Variants in CCDC86 observed in about 807,000 individuals in gnomAD.
CCDC86 encodes coiled-coil domain-containing protein 86.
A neutral mutation model predicts 36.7 loss-of-function variants in CCDC86; 28 were observed. The observed-to-expected ratio is 0.76, with a 90% CI of 0.57 to 1.05. The LOEUF (loss-of-function observed/expected upper bound fraction) is 1.05. CCDC86 is among the 50% of genes least tolerant of loss of function. The probability of loss-of-function intolerance (pLI) is 0.00; values close to 1 mark genes in which losing one functional copy is unlikely to be tolerated. For synonymous variants in CCDC86, 199 were observed against 203.4 expected, an observed-to-expected ratio of 0.98 and a Z score of 0.18; for missense variants, 453 against 470.2, an observed-to-expected ratio of 0.96 and a Z score of 0.34.
chr11:60,846,844 G>A (rs1219660646), intron 1 of CCDC86, among the ~76,000 whole-genome samples: 1 of 151,940 alleles, frequency 6.6e-6, no homozygotes, highest in Non-Finnish European at 1.5e-5. Flanking sequence ...AAAGTGCTGG[G>A]ATTACAGGCG....
chr11:60,843,835 C>T (rs527941568), intron 1 of CCDC86, among the ~76,000 whole-genome samples: 2 of 152,178 alleles, frequency 1.3e-5, no homozygotes, highest in African/African-American at 4.8e-5. Flanking sequence ...TGCCAGGCTT[C>T]GTGCTAGGCC....
rs778749811 is a variant in CCDC86, at chr11:60,842,577, G to A, written c.453G>A (p.Gln151=). 22 of 1,613,240 alleles carry A rather than the reference G, an allele frequency of 1.4e-5. No homozygotes were observed. The highest frequency in any genetic ancestry group is 1.9e-5 in the Non-Finnish European group (22 of 1,179,806). ...NKEELTPGAP[Q]HQLPPVPGSP... ...AGGAGCTGACCCCGGGGGCCCCCCA[G>A]CATCAGCTACCGCCGGTCCCAGGAT... The change falls in exon 1 of 4, where the codon CAG becomes CAA. Residue 151 remains glutamine (Q), a synonymous_variant. Transcript: ENST00000227520.
chr11:60,845,735 A>G (rs937871048), intron 1 of CCDC86, among the ~76,000 whole-genome samples: 1 of 152,208 alleles, frequency 6.6e-6, no homozygotes, highest in African/African-American at 2.4e-5. Flanking sequence ...AGCACCTATT[A>G]CGTGTGTGTG....
At chr11:60,843,013 A>C in intron 1 of CCDC86, 131 bp downstream of exon 1, 2 of 1,221,696 alleles carry the variant, frequency 1.6e-6, no homozygotes, top group Non-Finnish European at 2.2e-6. Context: ...GTTAGCAAAC[A>C]GGTAATTACA....
chr11:60,850,535 G>C lies in CCDC86; in HGVS notation c.*210G>C. The C allele has an allele frequency of 1.7e-6, 1 of 588,488 alleles. No individual in the cohort carries two copies. The highest frequency in any genetic ancestry group is 2.9e-5 in the East Asian group (1 of 34,324). 36.5% of individuals were successfully genotyped at this position (588,488 alleles called of 1,614,324 possible). ...CCCAGAGGGGGCCTGGGACCTGGCAGAGATGGGGGCGGGAAGAGATTCAGC... is the reference window on the plus strand; with the variant it reads ...CCCAGAGGGGGCCTGGGACCTGGCACAGATGGGGGCGGGAAGAGATTCAGC... On this transcript the variant is annotated 3_prime_UTR_variant, in exon 4 of 4. Transcript: ENST00000227520.
chr11:60,845,710 G>A (rs1855175694), intron 1 of CCDC86, among the ~76,000 whole-genome samples: 1 of 152,234 alleles, frequency 6.6e-6, no homozygotes, highest in Non-Finnish European at 1.5e-5. Context: ...CTTCTCTGAG[G>A]AGTAGCATTT....
At chr11:60,844,207 G>A (rs1301151131) in intron 1 of CCDC86, among the ~76,000 whole-genome samples, 1 of 152,178 alleles carries the variant, frequency 6.6e-6, no homozygotes, top group Non-Finnish European at 1.5e-5. Flanking sequence ...CAGAGGTGGG[G>A]AGAAGGGAGG....
chr11:60,850,499 T>A lies in CCDC86; in HGVS notation c.*174T>A. Reference sequence around the variant, plus strand: ...TTGAAGGCTTCCAGGCAGGTCTGTGTGGGACAGAAGCCCAGAGGGGGCCTG... The same window carrying A: ...TTGAAGGCTTCCAGGCAGGTCTGTGAGGGACAGAAGCCCAGAGGGGGCCTG... On this transcript the variant is annotated 3_prime_UTR_variant, in exon 4 of 4. Coordinates refer to ENST00000227520, the MANE Select transcript of CCDC86 (RefSeq NM_024098.4). The A allele has an allele frequency of 1.2e-6, 1 of 806,836 alleles. No homozygotes were observed. The highest frequency in any genetic ancestry group is 1.9e-6 in the Non-Finnish European group (1 of 533,262). 50.0% of individuals were successfully genotyped at this position (806,836 alleles called of 1,614,324 possible). A position where few individuals can be genotyped will look rare whatever the true frequency, so the allele number is the denominator to read the frequency against.
intron 3 of CCDC86, 79 bp downstream of exon 3, chr11:60,850,093 A>AC: frequency 6.2e-7 from 1 of 1,603,134 alleles, no homozygotes; most frequent in Non-Finnish European, 8.5e-7. Context: ...TGCCTCATGT[A>AC]CCCCCACTCT....
intron 2 of CCDC86, 123 bp downstream of exon 2, chr11:60,848,176 T>C (rs1399936358): frequency 1.6e-6 from 2 of 1,277,372 alleles, no homozygotes; most frequent in East Asian, 2.9e-5. Context: ...AAAACGTTCT[T>C]GAATCTGAAG....
Position 60,842,336 on chromosome 11 carries a change from G to C in CCDC86, c.212G>C (p.Arg71Pro). Residue 71 changes from arginine (R) to proline (P), a missense_variant, in exon 1 of 4, where the codon CGT (arginine) becomes CCT (proline). Coordinates refer to ENST00000227520, the MANE Select transcript of CCDC86 (RefSeq NM_024098.4). ...CCGAAGACAAGCCCAGGATCACCCC[G>C]TCTGCAGCAGGGTGCAGGCTTGGAG... ...RPPKTSPGSP[R>P]LQQGAGLESP... 6.2e-7 allele frequency: 1 copy of C among 1,613,736 alleles called. No individual in the cohort carries two copies. The highest frequency in any genetic ancestry group is 8.5e-7 in the Non-Finnish European group (1 of 1,179,922).
At chr11:60,849,619 G>A (rs1855229003) in intron 2 of CCDC86, among the ~76,000 whole-genome samples, 1 of 152,222 alleles carries the variant, frequency 6.6e-6, no homozygotes, top group Admixed American at 6.5e-5. Flanking sequence ...CAGTTGATGA[G>A]GGTGGCATGA....
rs760813351 is a variant in CCDC86, at chr11:60,850,365, G to A, written c.*40G>A. On this transcript the variant is annotated 3_prime_UTR_variant, in exon 4 of 4. Transcript: ENST00000227520. ...GAGGCCTTCCATGGCCAACAACCATGTCAGACACAGCACCTCAGGCCGCTG... is the reference window on the plus strand; with the variant it reads ...GAGGCCTTCCATGGCCAACAACCATATCAGACACAGCACCTCAGGCCGCTG... 10 of 1,605,484 alleles carry A rather than the reference G, an allele frequency of 6.2e-6. No homozygotes were observed. Among genetic ancestry groups the A allele is most frequent in the Non-Finnish European group, 3.4e-6 (4 of 1,173,704 alleles).
Position 60,850,461 on chromosome 11 carries a change from G to A in CCDC86, c.*136G>A. 1 of 1,208,794 alleles carries A rather than the reference G, an allele frequency of 8.3e-7. No individual in the cohort carries two copies. The highest frequency in any genetic ancestry group is 1.1e-6 in the Non-Finnish European group (1 of 887,712). The allele number at this position is 1,208,794 out of a possible 1,614,324, so 74.9% of individuals were successfully genotyped here. On this transcript the variant is annotated 3_prime_UTR_variant, in exon 4 of 4. Coordinates refer to ENST00000227520, the MANE Select transcript of CCDC86 (RefSeq NM_024098.4). ...GAACAGGGACCCCCACCCCGACCGG[G>A]GCTCCTCGGCCTTTGAAGGCTTCCA...
chr11:60,845,114 G>T (rs1185444845), intron 1 of CCDC86, among the ~76,000 whole-genome samples: 1 of 152,218 alleles, frequency 6.6e-6, no homozygotes, highest in Admixed American at 6.5e-5. Context: ...GAGATCTGGG[G>T]AAACAGTATC....
At position 60,842,651 on chromosome 11, in the gene CCDC86, A is replaced by G. The variant is rs746628506; in HGVS notation, c.527A>G (p.Gln176Arg). ...GQQAPGPEPSQPLLELTPRAP... is the reference protein window; with the variant it reads ...GQQAPGPEPSRPLLELTPRAP... The stretch of plus-strand genomic sequence containing the variant: ...CAAGCTCCCGGTCCGGAGCCCTCTC[A>G]GCCACTACTGGAGCTGACACCCAGG... The change falls in exon 1 of 4, where the codon CAG (glutamine) becomes CGG (arginine). Residue 176 changes from glutamine to arginine, a missense_variant. Gln to Arg is a conservative substitution (Grantham distance 43). Transcript: ENST00000227520. The G allele has an allele frequency of 2.5e-6, 4 of 1,613,806 alleles. No homozygotes were observed. In the African/African-American group the frequency reaches 4.0e-5, roughly 16 times the overall value.
In CCDC86 at chr11:60,850,374, A is replaced by T; in HGVS notation, c.*49A>T. The T allele has an allele frequency of 6.2e-7, 1 of 1,602,148 alleles. No homozygotes were observed. Among genetic ancestry groups the T allele is most frequent in the Non-Finnish European group, 8.5e-7 (1 of 1,171,640 alleles). ...CATGGCCAACAACCATGTCAGACAC[A>T]GCACCTCAGGCCGCTGCTCAGATGC... On this transcript the variant is annotated 3_prime_UTR_variant, in exon 4 of 4. Coordinates refer to ENST00000227520, the MANE Select transcript of CCDC86 (RefSeq NM_024098.4).
At position 60,842,313 on chromosome 11, in the gene CCDC86, G is replaced by A. The variant is rs374182614; in HGVS notation, c.189G>A (p.Pro63=). The A allele has an allele frequency of 6.2e-7, 1 of 1,613,576 alleles. No homozygotes were observed. The highest frequency in any genetic ancestry group is 1.3e-5 in the African/African-American group (1 of 74,928). Residue 63 remains proline, a synonymous_variant, in exon 1 of 4, where the codon CCG becomes CCA. Transcript: ENST00000227520. ...GCCTGGGGTCCCCCGAAAGGCCGCC[G>A]AAGACAAGCCCAGGATCACCCCGTC... The part of the protein sequence containing the change: ...RAGLGSPERP[P]KTSPGSPRLQ...
intron 2 of CCDC86, 121 bp downstream of exon 2, chr11:60,848,174 C>T: frequency 7.7e-7 from 1 of 1,293,116 alleles, no homozygotes; most frequent in Non-Finnish European, 1.0e-6. Flanking sequence ...AAAAAACGTT[C>T]TTGAATCTGA....
Sources: gnomAD v4.1 joint callset for allele counts (sites outside exome capture counted in the v4.1 genomes callset) on GRCh38, gnomAD v4.1.1 for gene constraint, MANE v1.5 for transcripts, NCBI Gene and HGNC (gene_info 2026-07-23, HGNC 2026-07-21) for gene names.